PCDH9: variants seen among roughly 807,000 people sequenced by gnomAD.
The protein encoded by PCDH9 is protocadherin 9.
A neutral mutation model predicts 70.6 loss-of-function variants in PCDH9; 24 were observed. The ratio of observed to expected loss-of-function variants is 0.34; its 90% CI spans 0.25 to 0.48. The LOEUF is 0.48. Ranked by LOEUF, PCDH9 falls within the 20% of genes least tolerant of loss-of-function variation. The probability of loss-of-function intolerance (pLI) is 0.99; values close to 1 mark genes in which losing one functional copy is unlikely to be tolerated. For missense variants in PCDH9, 1,281 were observed against 1,503.6 expected, an observed-to-expected ratio of 0.85 and a Z score of 2.45; for synonymous variants, 562 against 558.5, an observed-to-expected ratio of 1.01 and a Z score of -0.09.
At chr13:66,761,986 T>C (rs2079636397) in intron 3 of PCDH9, among the ~76,000 whole-genome samples, 1 of 151,558 alleles carries the variant, frequency 6.6e-6, no homozygotes, top group South Asian at 2.1e-4. Flanking sequence ...TGAAAAAACA[T>C]TTTTTCCAGT....
intron 4 of PCDH9, among the ~76,000 whole-genome samples, chr13:66,580,157 T>C (rs1389128647): frequency 6.6e-6 from 1 of 152,084 alleles, no homozygotes; most frequent in African/African-American, 2.4e-5. Flanking sequence ...TCCTATAGTA[T>C]CTGTATACAA....
At chr13:66,471,991 G>A (rs186532505) in intron 4 of PCDH9, among the ~76,000 whole-genome samples, 46 of 151,830 alleles carry the variant, frequency 3.0e-4, no homozygotes, top group Admixed American at 2.2e-3. Context: ...CGGGCGGATC[G>A]CTTAAGGTCA....
At chr13:66,907,340 G>A (rs916206343) in intron 2 of PCDH9, among the ~76,000 whole-genome samples, 5 of 152,048 alleles carry the variant, frequency 3.3e-5, no homozygotes, top group Non-Finnish European at 7.4e-5. Context: ...TATATTGGGG[G>A]GTACATATGT....
rs2089939233 is a variant in PCDH9, at chr13:67,228,539, G to C, written c.-99C>G. On this transcript the variant is annotated 5_prime_UTR_variant, in exon 2 of 5. In the 5' UTR this introduces an upstream ATG that the reference lacks. Coordinates refer to ENST00000377865, the MANE Select transcript of PCDH9 (RefSeq NM_203487.3). ...AAGAGGAAGCGTGCATGGACTGGAG[G>C]ATGCATTATATCTCATCACTTATTT... The C allele has an allele frequency of 1.1e-6, 1 of 927,296 alleles. No homozygotes were observed. Among genetic ancestry groups the C allele is most frequent in the East Asian group, 2.7e-5 (1 of 37,706 alleles). 57.4% of individuals were successfully genotyped at this position (927,296 alleles called of 1,614,324 possible).
chr13:67,164,583 A>G (rs1047931416), intron 2 of PCDH9, among the ~76,000 whole-genome samples: 1 of 151,680 alleles, frequency 6.6e-6, no homozygotes, highest in African/African-American at 2.4e-5. Context: ...CCAAAAAAAA[A>G]AAAAAAAGAA....
intron 3 of PCDH9, among the ~76,000 whole-genome samples, chr13:66,699,884 T>C (rs2078614359): frequency 6.6e-6 from 1 of 151,896 alleles, no homozygotes; most frequent in South Asian, 2.1e-4. Flanking sequence ...TAACTGTATC[T>C]GAAACATAAG....
chr13:66,849,511 T>TAGAGAG (rs1252511795), intron 3 of PCDH9, among the ~76,000 whole-genome samples: 1,095 of 81,934 alleles, frequency 0.013, 9 homozygotes, highest in Middle Eastern at 0.029. Context: ...TATATATATA[T>TAGAGAG]ATATATAGAG....
At chr13:67,028,143 A>C (rs1354884411) in intron 2 of PCDH9, among the ~76,000 whole-genome samples, 2 of 149,344 alleles carry the variant, frequency 1.3e-5, no homozygotes, top group African/African-American at 4.9e-5. Context: ...GGCACTATTC[A>C]CAATAGCAAA....
At chr13:66,326,494 C>T (rs1955849257) in intron 4 of PCDH9, among the ~76,000 whole-genome samples, 1 of 152,032 alleles carries the variant, frequency 6.6e-6, no homozygotes, top group Non-Finnish European at 1.5e-5. Flanking sequence ...TCTCGGCTCA[C>T]TGCAAGCTCC....
intron 4 of PCDH9, among the ~76,000 whole-genome samples, chr13:66,594,468 GTTTATTTTATTTTATTTTAT>G (rs57782546): frequency 0.024 from 3,332 of 139,672 alleles, 62 homozygotes; most frequent in Non-Finnish European, 0.036. Flanking sequence ...GTTACTTTTT[GTTTATTTTATTTTATTTTAT>G]TTTATTTTAT....
chr13:66,969,882 C>G (rs2083490137), intron 2 of PCDH9, among the ~76,000 whole-genome samples: 1 of 152,068 alleles, frequency 6.6e-6, no homozygotes, highest in East Asian at 1.9e-4. Context: ...GAGGGAAAGT[C>G]TAAAGCAAAA....
intron 4 of PCDH9, among the ~76,000 whole-genome samples, chr13:66,418,431 T>C (rs1210129754): frequency 3.9e-5 from 6 of 152,176 alleles, no homozygotes; most frequent in Admixed American, 3.9e-4. Flanking sequence ...TGAAATCAGG[T>C]AGCATGATGC....
chr13:66,618,030 A>T (rs1384154890), intron 4 of PCDH9, among the ~76,000 whole-genome samples: 1 of 152,134 alleles, frequency 6.6e-6, no homozygotes, highest in Non-Finnish European at 1.5e-5. Flanking sequence ...TCATGTTTGT[A>T]GCAGAGAGGA....
At chr13:66,917,974 G>A (rs181851484) in intron 2 of PCDH9, among the ~76,000 whole-genome samples, 21 of 151,304 alleles carry the variant, frequency 1.4e-4, no homozygotes, top group African/African-American at 4.6e-4. Flanking sequence ...AGGAAAATTG[G>A]GGGTGACTGA....
chr13:67,220,735 A>G (rs1196766452), intron 2 of PCDH9: 3 of 152,076 alleles, frequency 2.0e-5, no homozygotes, highest in Admixed American at 6.6e-5. Context: ...CACATATACT[A>G]TTTTCTCTAC....
intron 2 of PCDH9, among the ~76,000 whole-genome samples, chr13:66,909,797 G>GTAA (rs1254634420): frequency 1.3e-5 from 2 of 152,116 alleles, no homozygotes; most frequent in African/African-American, 4.8e-5. Context: ...CTTTGTCACA[G>GTAA]TAATATATTA....
chr13:67,103,440 C>T (rs925959951), intron 2 of PCDH9, among the ~76,000 whole-genome samples: 11 of 151,972 alleles, frequency 7.2e-5, no homozygotes, highest in Non-Finnish European at 1.0e-4. Context: ...ATCAGAGATG[C>T]CAATAGAATG....
intron 4 of PCDH9, among the ~76,000 whole-genome samples, chr13:66,460,946 A>G (rs1402357435): frequency 6.6e-6 from 1 of 151,896 alleles, no homozygotes; most frequent in Non-Finnish European, 1.5e-5. Context: ...ATTAGCATTT[A>G]TGAAAAAGAT....
intron 2 of PCDH9, among the ~76,000 whole-genome samples, chr13:66,961,823 C>A (rs1285451338): frequency 6.6e-6 from 1 of 151,208 alleles, no homozygotes; most frequent in Non-Finnish European, 1.5e-5. Context: ...GAGGCTGAGG[C>A]GGGTGGCTCA....
Sources: allele counts gnomAD v4.1 joint callset (sites outside exome capture counted in the v4.1 genomes callset), GRCh38; gene constraint gnomAD v4.1.1; transcripts MANE v1.5; gene names NCBI Gene and HGNC (gene_info 2026-07-23, HGNC 2026-07-21).